The following MFSD6 variants were observed in gnomAD, a reference collection of about 807,000 sequenced individuals.
MFSD6 encodes major facilitator superfamily domain-containing protein 6.
MFSD6 carries 26 observed loss-of-function variants against 56.3 expected under a neutral mutation model. That is an observed-to-expected ratio of 0.46 (90% CI 0.34 to 0.64). MFSD6 has a LOEUF of 0.64. MFSD6 is among the 30% of genes least tolerant of loss of function. The pLI, the probability that MFSD6 is intolerant of heterozygous loss-of-function variation, is 0.01. For synonymous variants in MFSD6, 331 were observed against 366.9 expected (o/e 0.90, Z 1.12); for missense variants, 750 against 986.2 (o/e 0.76, Z 3.21).
rs148360239 is a variant in MFSD6, at chr2:190,501,897, T to C, written c.*1679T>C. Reference sequence around the variant, plus strand: ...TTGTGTAATTATAGAAATAAAGAAATGGGTGACAGGCTTAACCTCACCTAT... The same window carrying C: ...TTGTGTAATTATAGAAATAAAGAAACGGGTGACAGGCTTAACCTCACCTAT... On this transcript the variant is annotated 3_prime_UTR_variant, in exon 8 of 8. Transcript: ENST00000392328. 21 of 152,702 alleles carry C rather than the reference T, an allele frequency of 1.4e-4. No individual in the cohort carries two copies. The highest frequency in any genetic ancestry group is 5.1e-4 in the African/African-American group (21 of 41,562). The allele number at this position is 152,702 out of a possible 1,614,324, so 9.5% of individuals were successfully genotyped here. A position where few individuals can be genotyped will look rare whatever the true frequency, so the allele number is the denominator to read the frequency against.
rs1687401747 is a variant in MFSD6 at position 190,462,859 on chromosome 2, G to A, written c.1533-6899G>A. 6.6e-6 allele frequency among the ~76,000 whole-genome samples: 1 copy of A among 152,170 alleles called. No homozygotes were observed. Among genetic ancestry groups the A allele is most frequent in the South Asian group, 2.1e-4 (1 of 4,828 alleles). On this transcript the variant is annotated intron_variant, in intron 3 of 7. Transcript: ENST00000392328. This position sits in a 1 kb window ranked among gnomAD's most constrained non-coding sequence, Gnocchi z 5.7. The stretch of plus-strand genomic sequence containing the variant: ...TGTAGCAGCTCCTGCCTGTTGCTCA[G>A]GTCACTGATTCTGTGGCCTTGTCTC...
In MFSD6 at chr2:190,436,248, CT is replaced by C; in HGVS notation, c.223del (p.Tyr75IlefsTer32). The C allele has an allele frequency of 6.2e-7, 1 of 1,613,952 alleles. No individual in the cohort carries two copies. Among genetic ancestry groups the C allele is most frequent in the Non-Finnish European group, 8.5e-7 (1 of 1,179,974 alleles). ...INNDLLISKV[F>X]YFFFYSAYGS... ...ACAACGATCTTCTAATTTCCAAGGT[CT>C]TTTATTTTTTCTTTTACTCTGCCTA... On this transcript the variant is annotated frameshift_variant, in exon 3 of 8. Transcript: ENST00000392328. LOFTEE classifies it high-confidence loss of function. This position sits in a 1 kb window ranked among gnomAD's most constrained non-coding sequence, Gnocchi z 5.3.
At chr2:190,476,304 C>T (rs1688304919) in intron 4 of MFSD6, among the ~76,000 whole-genome samples, 1 of 152,142 alleles carries the variant, frequency 6.6e-6, no homozygotes, top group Non-Finnish European at 1.5e-5. Flanking sequence ...TTGCAATCTA[C>T]TCATCTGACA....
At chr2:190,472,278 C>T (rs955287058) in intron 4 of MFSD6, among the ~76,000 whole-genome samples, 1 of 152,138 alleles carries the variant, frequency 6.6e-6, no homozygotes, top group Admixed American at 6.5e-5. Flanking sequence ...TTCAGACGAT[C>T]AAACTACTCC....
At position 190,462,884 on chromosome 2, in the gene MFSD6, C is replaced by G. The variant is rs1189719880; in HGVS notation, c.1533-6874C>G. 6.6e-6 allele frequency among the ~76,000 whole-genome samples: 1 copy of G among 152,186 alleles called. No individual in the cohort carries two copies. On this transcript the variant is annotated intron_variant, in intron 3 of 7. Transcript: ENST00000392328. The surrounding 1 kb of genome is among the most constrained non-coding windows in gnomAD (Gnocchi z 5.7). ...GGTCACTGATTCTGTGGCCTTGTCTCCTCTCCTCTCTGGCCACTCTTACCA... is the reference window on the plus strand; with the variant it reads ...GGTCACTGATTCTGTGGCCTTGTCTGCTCTCCTCTCTGGCCACTCTTACCA...
chr2:190,409,805 C>T (rs1021567882), intron 1 of MFSD6, among the ~76,000 whole-genome samples: 6 of 152,138 alleles, frequency 3.9e-5, no homozygotes, highest in African/African-American at 9.7e-5. Context: ...GCTTTTGACA[C>T]GTCAAGCTGC....
Position 190,437,041 on chromosome 2 carries a change from G to A in MFSD6, c.1012G>A (p.Ala338Thr). The change falls in exon 3 of 8, where the codon GCG becomes ACG. Residue 338 changes from alanine to threonine, a missense_variant. Ala to Thr is a moderately conservative substitution (Grantham distance 58, BLOSUM62 0). Transcript: ENST00000392328. The surrounding 1 kb of genome is among the most constrained non-coding windows in gnomAD (Gnocchi z 5.9). ...RMWGSLGWGL[A>T]MLSVGIGIDY... ...GTGGGGCTCCCTGGGCTGGGGCCTG[G>A]CGATGCTGTCTGTGGGCATCGGGAT... The A allele has an allele frequency of 6.2e-7, 1 of 1,614,202 alleles. No homozygotes were observed. Among genetic ancestry groups the A allele is most frequent in the Non-Finnish European group, 8.5e-7 (1 of 1,180,032 alleles).
In MFSD6 at chr2:190,437,513, C is replaced by G; in HGVS notation, c.1484C>G (p.Thr495Arg). The G allele has an allele frequency of 1.2e-6, 2 of 1,614,144 alleles. No homozygotes were observed. Among genetic ancestry groups the G allele is most frequent in the Non-Finnish European group, 8.5e-7 (1 of 1,180,004 alleles). The change falls in exon 3 of 8, where the codon ACA becomes AGA. Residue 495 changes from threonine (T) to arginine (R), a missense_variant. By Grantham distance (71) the Thr-to-Arg change is moderately conservative. Coordinates refer to ENST00000392328, the MANE Select transcript of MFSD6 (RefSeq NM_017694.4). This position sits in a 1 kb window ranked among gnomAD's most constrained non-coding sequence, Gnocchi z 5.9. Reference sequence around the variant, plus strand: ...GTCCTGAGTCATGTGTCTGAGCTGACAGCATATTTTTTTAGTCACAAGCTT... The same window carrying G: ...GTCCTGAGTCATGTGTCTGAGCTGAGAGCATATTTTTTTAGTCACAAGCTT... ...CSVLSHVSEL[T>R]AYFFSHKLIE...
At chr2:190,419,337 G>A (rs1394356332) in intron 2 of MFSD6, among the ~76,000 whole-genome samples, 2 of 152,194 alleles carry the variant, frequency 1.3e-5, no homozygotes, top group Admixed American at 6.5e-5. Context: ...GTCCAGCTCT[G>A]GGACTCACAT....
Position 190,496,028 on chromosome 2 carries a change from A to G in MFSD6, c.1892-1411A>G, listed in dbSNP as rs188521545. Among the ~76,000 whole-genome samples the G allele has an allele frequency of 1.8e-4, 27 of 152,320 alleles. No individual in the cohort carries two copies. The East Asian group carries it at 4.8e-3, about 27-fold the overall frequency. The stretch of plus-strand genomic sequence containing the variant: ...AACTAAAGAGCTTTTGCACAGCAAA[A>G]GGAACAGTCAGCAGAGTAAACAGAC... On this transcript the variant is annotated intron_variant, in intron 6 of 7. Transcript: ENST00000392328. This position sits in a 1 kb window ranked among gnomAD's most constrained non-coding sequence, Gnocchi z 4.7.
At chr2:190,483,114 G>A (rs868712788) in intron 4 of MFSD6, among the ~76,000 whole-genome samples, 2 of 150,504 alleles carry the variant, frequency 1.3e-5, no homozygotes, top group South Asian at 4.2e-4. Flanking sequence ...GGATGGTCTC[G>A]ATCTCCTGAC....
rs181246223 is a variant in MFSD6 at position 190,418,523 on chromosome 2, A to G, written c.-54+3110A>G. ...GTAATTCCAGTACTTTAGGAGGCTG[A>G]GGCAAATGGATCACTTGAGCCCAGG... On this transcript the variant is annotated intron_variant, in intron 2 of 7. Coordinates refer to ENST00000392328, the MANE Select transcript of MFSD6 (RefSeq NM_017694.4). The surrounding 1 kb of genome is among the most constrained non-coding windows in gnomAD (Gnocchi z 4.1). Among the ~76,000 whole-genome samples the G allele has an allele frequency of 6.0e-3, 912 of 152,232 alleles. 6 individuals carry two copies. Among genetic ancestry groups the G allele is most frequent in the South Asian group, 0.035 (167 of 4,806 alleles).
At chr2:190,448,430 A>G (rs1162393112) in intron 3 of MFSD6, among the ~76,000 whole-genome samples, 1 of 152,206 alleles carries the variant, frequency 6.6e-6, no homozygotes, top group East Asian at 1.9e-4. Flanking sequence ...CAATTGAGGA[A>G]TGGATACATT....
intron 2 of MFSD6, among the ~76,000 whole-genome samples, chr2:190,428,792 C>G (rs890549506): frequency 6.6e-6 from 1 of 152,046 alleles, no homozygotes; most frequent in Non-Finnish European, 1.5e-5. Context: ...CCTGCCTCAG[C>G]CCCCCGAGTA....
chr2:190,451,140 AT>A lies in MFSD6; in HGVS notation c.1532+13580del, dbSNP rs1402539578. Among the ~76,000 whole-genome samples the A allele has an allele frequency of 2.6e-5, 4 of 152,192 alleles. No individual in the cohort carries two copies. Among genetic ancestry groups the A allele is most frequent in the African/African-American group, 9.6e-5 (4 of 41,462 alleles). On this transcript the variant is annotated intron_variant, in intron 3 of 7. Transcript: ENST00000392328. This position sits in a 1 kb window ranked among gnomAD's most constrained non-coding sequence, Gnocchi z 5.0. ...TTTCCTTCTTTTTGCCAATTTGCCTATAAAAAGTGTATGTGTGTGTATATGT... is the reference window on the plus strand; with the variant it reads ...TTTCCTTCTTTTTGCCAATTTGCCTAAAAAAGTGTATGTGTGTGTATATGT...
chr2:190,449,650 T>A (rs1686703634), intron 3 of MFSD6, among the ~76,000 whole-genome samples: 1 of 140,384 alleles, frequency 7.1e-6, no homozygotes, highest in East Asian at 2.0e-4. Context: ...ATTAAGAAAA[T>A]GTAGCACATA....
At chr2:190,450,150 G>C (rs571954662) in intron 3 of MFSD6, among the ~76,000 whole-genome samples, 2 of 152,256 alleles carry the variant, frequency 1.3e-5, no homozygotes, top group African/African-American at 4.8e-5. Context: ...TCGTTATCTT[G>C]AGTAATAGAG....
intron 3 of MFSD6, among the ~76,000 whole-genome samples, chr2:190,449,806 C>A (rs963835729): frequency 1.0e-3 from 157 of 151,724 alleles, no homozygotes; most frequent in African/African-American, 3.7e-3. Flanking sequence ...TAGGTGGGAA[C>A]TGAACAATGA....
In MFSD6 at chr2:190,418,501, A is replaced by T. The variant is rs999523047; in HGVS notation, c.-54+3088A>T. On this transcript the variant is annotated intron_variant, in intron 2 of 7. Transcript: ENST00000392328. This position sits in a 1 kb window ranked among gnomAD's most constrained non-coding sequence, Gnocchi z 4.1. ...TTGGGCACAGTGGCCCACACCTGTA[A>T]TTCCAGTACTTTAGGAGGCTGAGGC... Among the ~76,000 whole-genome samples the T allele has an allele frequency of 6.6e-6, 1 of 152,074 alleles. No individual in the cohort carries two copies. The highest frequency in any genetic ancestry group is 1.5e-5 in the Non-Finnish European group (1 of 68,026).
Sources: gnomAD v4.1 joint callset for allele counts (sites outside exome capture counted in the v4.1 genomes callset) on GRCh38, gnomAD v4.1.1 for gene constraint, Gnocchi (gnomAD v3.1) non-coding constraint, MANE v1.5 for transcripts, NCBI Gene and HGNC (gene_info 2026-07-23, HGNC 2026-07-21) for gene names.